Variants in PCCA observed in about 807,000 individuals in gnomAD.
PCCA encodes the protein propionyl-CoA carboxylase alpha chain, mitochondrial.
Under a neutral mutation model 101.3 loss-of-function variants are expected in PCCA, and 74 were observed. The ratio of observed to expected loss-of-function variants is 0.73; its 90% CI spans 0.61 to 0.89. PCCA has a LOEUF of 0.89. PCCA is among the 40% of genes least tolerant of loss of function. The pLI is 0.00. For missense variants in PCCA, 891 were observed against 907.0 expected, an observed-to-expected ratio of 0.98 and a Z score of 0.23; for synonymous variants, 294 against 313.6, an observed-to-expected ratio of 0.94 and a Z score of 0.66.
intron 20 of PCCA, among the ~76,000 whole-genome samples, chr13:100,428,539 G>A (rs1369587795): frequency 6.6e-6 from 1 of 151,964 alleles, no homozygotes; most frequent in African/African-American, 2.4e-5. Flanking sequence ...CCCCCACTAT[G>A]CTATAGTACT....
rs150068566 is a variant in PCCA at position 100,144,791 on chromosome 13, G to C, written c.301-10188G>C. 3.4e-3 allele frequency among the ~76,000 whole-genome samples: 525 copies of C among 152,278 alleles called. 5 individuals are homozygous for C. The highest frequency in any genetic ancestry group is 0.012 in the African/African-American group (510 of 41,554). On this transcript the variant is annotated intron_variant, in intron 4 of 23. Coordinates refer to ENST00000376285, the MANE Select transcript of PCCA (RefSeq NM_000282.4). ...TAAACAACAAACCAGAATTTTGATG[G>C]AAAATGGTAAAGAGTACTCATGGGA...
At chr13:100,189,030 A>G (rs922956625) in intron 6 of PCCA, among the ~76,000 whole-genome samples, 13 of 151,896 alleles carry the variant, frequency 8.6e-5, no homozygotes, top group Non-Finnish European at 1.2e-4. Context: ...AATCCTATCC[A>G]TCTCCTAGCC....
chr13:100,318,211 A>G (rs9554677), intron 16 of PCCA, among the ~76,000 whole-genome samples: 94,847 of 151,850 alleles, frequency 0.62, 29,860 homozygotes, highest in East Asian at 0.78. Flanking sequence ...TGGCCTTTTC[A>G]CTGCACCCAG....
At chr13:100,305,005 CT>C (rs1344200354) in intron 14 of PCCA, among the ~76,000 whole-genome samples, 1 of 151,990 alleles carries the variant, frequency 6.6e-6, no homozygotes, top group African/African-American at 2.4e-5. Flanking sequence ...TGAATTTTTT[CT>C]TAAAGTTTTT....
At chr13:100,307,957 C>G (rs979826114) in intron 15 of PCCA, among the ~76,000 whole-genome samples, 6 of 152,212 alleles carry the variant, frequency 3.9e-5, no homozygotes, top group Non-Finnish European at 7.3e-5. Context: ...CTCCCAGGTT[C>G]AAGCGATTCT....
At chr13:100,203,923 G>A (rs1402068290) in intron 6 of PCCA, among the ~76,000 whole-genome samples, 4 of 152,100 alleles carry the variant, frequency 2.6e-5, no homozygotes, top group Non-Finnish European at 4.4e-5. Context: ...TGTTCCTATT[G>A]ACATCACTAT....
chr13:100,422,452 A>G (rs1490707337), intron 19 of PCCA, among the ~76,000 whole-genome samples: 2 of 152,106 alleles, frequency 1.3e-5, no homozygotes. Context: ...TTCTTTCTCT[A>G]GCCTTAAAGT....
At chr13:100,293,836 T>C (rs550679908) in intron 12 of PCCA, among the ~76,000 whole-genome samples, 3 of 152,348 alleles carry the variant, frequency 2.0e-5, no homozygotes, top group South Asian at 4.1e-4. Context: ...AAGTTTTTGG[T>C]ATACAGATAT....
chr13:100,318,264 C>G (rs2067592375), intron 16 of PCCA, among the ~76,000 whole-genome samples: 1 of 152,134 alleles, frequency 6.6e-6, no homozygotes, highest in Non-Finnish European at 1.5e-5. Context: ...TGGTGTTTTC[C>G]TTTCATTCCT....
intron 4 of PCCA, among the ~76,000 whole-genome samples, chr13:100,121,284 C>T (rs574666568): frequency 1.6e-4 from 24 of 149,916 alleles, no homozygotes; most frequent in African/African-American, 5.4e-4. Flanking sequence ...CAGCCTCCTG[C>T]GTAGCTGGGG....
chr13:100,336,941 G>A (rs1351059764), intron 17 of PCCA, among the ~76,000 whole-genome samples: 3 of 152,182 alleles, frequency 2.0e-5, no homozygotes, highest in South Asian at 2.1e-4. Flanking sequence ...TGAGGCTGGA[G>A]CTCTCAGTCC....
chr13:100,130,620 A>G (rs1302315515), intron 4 of PCCA, among the ~76,000 whole-genome samples: 1 of 152,216 alleles, frequency 6.6e-6, no homozygotes, highest in Non-Finnish European at 1.5e-5. Context: ...TTATTTTGTA[A>G]ACAACTGAGT....
intron 7 of PCCA, among the ~76,000 whole-genome samples, chr13:100,230,046 G>A (rs539839851): frequency 5.1e-4 from 78 of 152,266 alleles, no homozygotes; most frequent in African/African-American, 1.9e-3. Flanking sequence ...AAGCTGATGC[G>A]GATAGTTGTT....
At chr13:100,287,795 T>C (rs940863732) in intron 12 of PCCA, among the ~76,000 whole-genome samples, 2 of 131,752 alleles carry the variant, frequency 1.5e-5, no homozygotes, top group Non-Finnish European at 3.2e-5. Flanking sequence ...TTATTTTGAT[T>C]TGTTTTATAT....
At chr13:100,426,238 A>G (rs2079140843) in intron 20 of PCCA, among the ~76,000 whole-genome samples, 1 of 152,128 alleles carries the variant, frequency 6.6e-6, no homozygotes, top group African/African-American at 2.4e-5. Flanking sequence ...GATGCCTTGG[A>G]ACCCAGAGTC....
intron 4 of PCCA, among the ~76,000 whole-genome samples, chr13:100,148,377 T>A (rs971641522): frequency 2.0e-5 from 3 of 152,140 alleles, no homozygotes; most frequent in Admixed American, 6.5e-5. Flanking sequence ...CCTCTCCTAC[T>A]CTTTACATCC....
At chr13:100,172,118 T>G (rs547226837) in intron 6 of PCCA, among the ~76,000 whole-genome samples, 1 of 151,604 alleles carries the variant, frequency 6.6e-6, no homozygotes, top group African/African-American at 2.4e-5. Flanking sequence ...GGAGGATTGC[T>G]TGAGCCCAGG....
chr13:100,293,294 T>A (rs2065277569), intron 12 of PCCA: 1 of 468,790 alleles, frequency 2.1e-6, no homozygotes, highest in Admixed American at 2.4e-5. Flanking sequence ...GGCTATACAC[T>A]CTAATCTCAT....
At chr13:100,414,848 G>A (rs1302107180) in intron 19 of PCCA, among the ~76,000 whole-genome samples, 1 of 152,142 alleles carries the variant, frequency 6.6e-6, no homozygotes. Context: ...CTAAAAAGAA[G>A]CAATAAACAT....
Sources: gnomAD v4.1 joint callset for allele counts (sites outside exome capture counted in the v4.1 genomes callset) on GRCh38, gnomAD v4.1.1 for gene constraint, MANE v1.5 for transcripts, NCBI Gene and HGNC (gene_info 2026-07-23, HGNC 2026-07-21) for gene names.